PLD5: variants seen among roughly 807,000 people sequenced by gnomAD.
PLD5 encodes inactive phospholipase D5.
A neutral mutation model predicts 61.1 loss-of-function variants in PLD5; 36 were observed. That is an observed-to-expected ratio of 0.59 (90% confidence interval 0.45 to 0.78). The LOEUF (loss-of-function observed/expected upper bound fraction) is 0.78, where lower values mean the gene tolerates loss of function less well. Among genes scored for constraint, PLD5 ranks in the 30% least tolerant of loss-of-function variants. The pLI is 0.00. For synonymous variants in PLD5, 243 were observed against 242.8 expected, an observed-to-expected ratio of 1.00 and a Z score of -0.01; for missense variants, 515 against 644.4, an observed-to-expected ratio of 0.80 and a Z score of 2.17.
intron 1 of PLD5, among the ~76,000 whole-genome samples, chr1:242,362,936 C>T (rs1661149667): frequency 6.6e-6 from 1 of 152,120 alleles, no homozygotes. Context: ...AGTGAGCTTC[C>T]TTGCCATGGC....
chr1:242,092,321 T>C (rs1488591278), intron 9 of PLD5, among the ~76,000 whole-genome samples: 2 of 151,988 alleles, frequency 1.3e-5, no homozygotes, highest in African/African-American at 4.8e-5. Flanking sequence ...ATTATTTATA[T>C]GGTTGGTGGG....
chr1:242,313,569 G>C (rs1379380488), intron 2 of PLD5, among the ~76,000 whole-genome samples: 2 of 152,184 alleles, frequency 1.3e-5, no homozygotes, highest in African/African-American at 4.8e-5. Context: ...ACTCATGCTT[G>C]ATAAAATAAT....
intron 7 of PLD5, among the ~76,000 whole-genome samples, chr1:242,109,586 C>T (rs1316359623): frequency 6.6e-6 from 1 of 152,240 alleles, no homozygotes; most frequent in African/African-American, 2.4e-5. Flanking sequence ...GGCCCTTGCC[C>T]CCTCTCCAGT....
intron 2 of PLD5, among the ~76,000 whole-genome samples, chr1:242,342,033 T>C (rs1312059004): frequency 2.6e-5 from 4 of 152,148 alleles, no homozygotes; most frequent in African/African-American, 4.8e-5. Context: ...CTTATCAATA[T>C]GATTATATGG....
chr1:242,348,230 A>G lies in PLD5; in HGVS notation c.202T>C (p.Cys68Arg), dbSNP rs779326601. 3 of 1,601,210 alleles carry G rather than the reference A, an allele frequency of 1.9e-6. No individual in the cohort carries two copies. Among genetic ancestry groups the G allele is most frequent in the Admixed American group, 1.7e-5 (1 of 57,494 alleles). ...KDKLEHSQQK[C>R]IVIFALVCCF... ...CACACCAGGGCAAAGATCACGATGC[A>G]CTTCTGCTGGGACTGAAAGAGGAAA... The change falls in exon 2 of 10, where the codon TGC (cysteine) becomes CGC (arginine). Residue 68 changes from cysteine to arginine, a missense_variant. By Grantham distance (180) the Cys-to-Arg change is radical. Coordinates refer to ENST00000536534, the MANE Select transcript of PLD5 (RefSeq NM_001372062.1).
chr1:242,222,307 C>G (rs1296475797), intron 4 of PLD5, among the ~76,000 whole-genome samples: 2 of 152,166 alleles, frequency 1.3e-5, no homozygotes, highest in Non-Finnish European at 2.9e-5. Context: ...TGCAATTCAA[C>G]CCATAACAGA....
At chr1:242,268,325 T>G (rs891051638) in intron 3 of PLD5, among the ~76,000 whole-genome samples, 2 of 152,218 alleles carry the variant, frequency 1.3e-5, no homozygotes, top group African/African-American at 4.8e-5. Context: ...TAAGGCCCCA[T>G]GGTCAGTGGG....
At chr1:242,240,325 A>ATT (rs1292864393) in intron 4 of PLD5, among the ~76,000 whole-genome samples, 7 of 152,184 alleles carry the variant, frequency 4.6e-5, no homozygotes, top group Admixed American at 2.0e-4. Flanking sequence ...GTTTGATTTA[A>ATT]TTATCCATCT....
At chr1:242,180,467 A>G (rs996799420) in intron 5 of PLD5, among the ~76,000 whole-genome samples, 1 of 152,140 alleles carries the variant, frequency 6.6e-6, no homozygotes, top group African/African-American at 2.4e-5. Context: ...TTGAGTAATG[A>G]TAGTGCCAAG....
chr1:242,416,841 C>T (rs765574011), intron 1 of PLD5, among the ~76,000 whole-genome samples: 19 of 152,170 alleles, frequency 1.2e-4, no homozygotes, highest in Non-Finnish European at 2.2e-4. Context: ...AAGTCAGCCT[C>T]ATAAATATGT....
chr1:242,160,931 CAGG>C (rs1403805410), intron 5 of PLD5, among the ~76,000 whole-genome samples: 12 of 151,252 alleles, frequency 7.9e-5, no homozygotes, highest in African/African-American at 2.9e-4. Context: ...AAAGTGTAAA[CAGG>C]AGATTATAAG....
At chr1:242,145,593 A>G (rs1664490623) in intron 5 of PLD5, among the ~76,000 whole-genome samples, 1 of 152,198 alleles carries the variant, frequency 6.6e-6, no homozygotes, top group Admixed American at 6.6e-5. Context: ...AGATGATAAG[A>G]ACTTTTTTTT....
At chr1:242,133,500 C>T (rs1663466896) in intron 5 of PLD5, among the ~76,000 whole-genome samples, 1 of 152,142 alleles carries the variant, frequency 6.6e-6, no homozygotes, top group Non-Finnish European at 1.5e-5. Context: ...ATTCTTTGTT[C>T]AAAACACCAA....
chr1:242,106,372 C>T lies in PLD5; in HGVS notation c.1239+1299G>A, dbSNP rs114024925. Reference sequence around the variant, plus strand: ...CTGCATGAAACTTTGCATTTTCTCCCTTGTGGGAGGTGAGAATGAGGGTTC... The same window carrying T: ...CTGCATGAAACTTTGCATTTTCTCCTTTGTGGGAGGTGAGAATGAGGGTTC... On this transcript the variant is annotated intron_variant, in intron 8 of 9. Coordinates refer to ENST00000536534, the MANE Select transcript of PLD5 (RefSeq NM_001372062.1). Among the ~76,000 whole-genome samples, 183 of 152,300 alleles carry T rather than the reference C, an allele frequency of 1.2e-3. 2 individuals carry two copies. The highest frequency in any genetic ancestry group is 4.2e-3 in the African/African-American group (175 of 41,568).
chr1:242,089,919 G>A lies in PLD5; in HGVS notation c.1546C>T (p.Leu516Phe). The A allele has an allele frequency of 6.2e-7, 1 of 1,614,184 alleles. No individual in the cohort carries two copies. ...KQPNCSSLFK[L>F]KPLSNKTATD... ...GCAGTTTTGTTGGAGAGGGGTTTGA[G>A]TTTGAACAGGCTTGAGCAGTTCGGC... The change falls in exon 10 of 10, where the codon CTC (leucine) becomes TTC (phenylalanine). Residue 516 changes from leucine (L) to phenylalanine (F), a missense_variant. By Grantham distance (22) the Leu-to-Phe change is conservative. Around this residue, in one of 2 missense-constraint regions of PLD5, gnomAD observed 450 missense variants for 598.1 expected, o/e 0.75. Coordinates refer to ENST00000536534, the MANE Select transcript of PLD5 (RefSeq NM_001372062.1).
intron 1 of PLD5, among the ~76,000 whole-genome samples, chr1:242,433,798 T>C (rs754800245): frequency 2.6e-5 from 4 of 152,056 alleles, no homozygotes; most frequent in Non-Finnish European, 5.9e-5. Flanking sequence ...CAAGACAAGA[T>C]CATGCAGCTA....
At chr1:242,515,948 T>C (rs1669089044) in intron 1 of PLD5, among the ~76,000 whole-genome samples, 1 of 152,214 alleles carries the variant, frequency 6.6e-6, no homozygotes, top group African/African-American at 2.4e-5. Flanking sequence ...CCCATTTTCA[T>C]CAATACTTTG....
intron 3 of PLD5, among the ~76,000 whole-genome samples, chr1:242,276,195 G>A (rs1464988633): frequency 6.6e-6 from 1 of 150,910 alleles, no homozygotes; most frequent in East Asian, 2.0e-4. Flanking sequence ...AACATCAGCT[G>A]GGCATGGTGG....
intron 1 of PLD5, among the ~76,000 whole-genome samples, chr1:242,395,025 G>GATTATATATGAA (rs201444647): frequency 1.6e-5 from 1 of 62,094 alleles, no homozygotes; most frequent in African/African-American, 7.4e-5. Flanking sequence ...GAATATATAT[G>GATTATATATGAA]TATATATGAA....
Sources: allele counts gnomAD v4.1 joint callset (sites outside exome capture counted in the v4.1 genomes callset), GRCh38; gene constraint gnomAD v4.1.1; regional missense constraint gnomAD v4.1.1; transcripts MANE v1.5; gene names NCBI Gene and HGNC (gene_info 2026-07-23, HGNC 2026-07-21).